IL17RA: variants seen among roughly 807,000 people sequenced by gnomAD.
IL17RA encodes interleukin-17 receptor A.
IL17RA carries 34 observed loss-of-function variants against 50.4 expected under a neutral mutation model. The ratio of observed to expected loss-of-function variants is 0.67; its 90% CI spans 0.51 to 0.90. The LOEUF (loss-of-function observed/expected upper bound fraction) is 0.90, where lower values mean the gene tolerates loss of function less well. Ranked by LOEUF, IL17RA falls within the 40% of genes least tolerant of loss-of-function variation. The probability of loss-of-function intolerance (pLI) is 0.00; values close to 1 mark genes in which losing one functional copy is unlikely to be tolerated. For synonymous variants in IL17RA, 585 were observed against 510.4 expected (o/e 1.15, Z -1.97); for missense variants, 1,276 against 1,169.8 (o/e 1.09, Z -1.32).
In IL17RA at chr22:17,100,462, C is replaced by T; in HGVS notation, c.531C>T (p.Ser177=). The change falls in exon 5 of 13, where the codon TCC becomes TCT. Residue 177 remains serine (S), a synonymous_variant. Coordinates refer to ENST00000319363, the MANE Select transcript of IL17RA (RefSeq NM_014339.7). ...CTGATGGGGACCCAAACCACCAGTC[C>T]AAGAATTTCCTTGTGCCTGGTAAGA... is the stretch of plus-strand genomic sequence containing the variant. The part of the protein sequence containing the change: ...PIPDGDPNHQ[S]KNFLVPDCEH... 1 of 1,614,150 alleles carries T rather than the reference C, an allele frequency of 6.2e-7. No homozygotes were observed.
At position 17,109,099 on chromosome 22, in the gene IL17RA, C is replaced by T. The variant is rs1377750457; in HGVS notation, c.1880C>T (p.Pro627Leu). The change falls in exon 13 of 13, where the codon CCT becomes CTT. Residue 627 changes from proline (P) to leucine (L), a missense_variant. Physicochemically the swap from Pro to Leu is moderately conservative, Grantham distance 98. Transcript: ENST00000319363. ...IVKRAPLVREPGSQACLAIDP... is the reference protein window; with the variant it reads ...IVKRAPLVRELGSQACLAIDP... The stretch of plus-strand genomic sequence containing the variant: ...AAGCGGGCGCCCCTGGTGCGCGAGC[C>T]TGGCTCCCAGGCCTGCCTGGCCATA... 7 of 1,561,880 alleles carry T rather than the reference C, an allele frequency of 4.5e-6. No individual in the cohort carries two copies. The highest frequency in any genetic ancestry group is 6.0e-6 in the Non-Finnish European group (7 of 1,162,048).
At chr22:17,101,107 G>T (rs1464776332) in intron 5 of IL17RA, among the ~76,000 whole-genome samples, 2 of 152,092 alleles carry the variant, frequency 1.3e-5, no homozygotes, top group Non-Finnish European at 2.9e-5. Flanking sequence ...AGGCTATAGT[G>T]CAATTTTGCT....
Position 17,100,404 on chromosome 22 carries a change from A to G in IL17RA, c.473A>G (p.Glu158Gly), listed in dbSNP as rs373988755. The part of the protein sequence containing the change: ...HFVVDPDQEY[E>G]VTVHHLPKPI... ...GTGGTTGACCCTGACCAGGAATATGAGGTGACCGTTCACCACCTGCCCAAG... is the reference window on the plus strand; with the variant it reads ...GTGGTTGACCCTGACCAGGAATATGGGGTGACCGTTCACCACCTGCCCAAG... Residue 158 changes from glutamate to glycine, a missense_variant, in exon 5 of 13, where the codon GAG becomes GGG. Physicochemically the swap from Glu to Gly is moderately conservative, Grantham distance 98. Coordinates refer to ENST00000319363, the MANE Select transcript of IL17RA (RefSeq NM_014339.7). 5.6e-6 allele frequency: 9 copies of G among 1,614,050 alleles called. No homozygotes were observed. The highest frequency in any genetic ancestry group is 7.6e-6 in the Non-Finnish European group (9 of 1,179,976).
intron 1 of IL17RA, among the ~76,000 whole-genome samples, chr22:17,095,832 G>T (rs1434683957): frequency 2.0e-5 from 3 of 152,114 alleles, no homozygotes; most frequent in Non-Finnish European, 4.4e-5. Flanking sequence ...TTATGAACTG[G>T]GGTCCCAGAG....
intron 1 of IL17RA, 135 bp downstream of exon 1, chr22:17,085,364 C>T (rs1340501006): frequency 7.0e-7 from 1 of 1,425,896 alleles, no homozygotes; most frequent in East Asian, 2.8e-5. Context: ...TAGAGGGGCT[C>T]AGAGCCTTGG....
intron 11 of IL17RA, among the ~76,000 whole-genome samples, chr22:17,106,750 A>G (rs1601348167): frequency 6.6e-6 from 1 of 152,202 alleles, no homozygotes; most frequent in Non-Finnish European, 1.5e-5. Flanking sequence ...TGTGGTAGAA[A>G]GAAAACCAGC....
Position 17,098,828 on chromosome 22 carries a change from A to G in IL17RA, c.364A>G (p.Asn122Asp). The G allele has an allele frequency of 6.2e-7, 1 of 1,614,188 alleles. No individual in the cohort carries two copies. The highest frequency in any genetic ancestry group is 8.5e-7 in the Non-Finnish European group (1 of 1,180,030). Residue 122 changes from asparagine (N) to aspartate (D), a missense_variant, in exon 4 of 13, where the codon AAT becomes GAT. By Grantham distance (23) the Asn-to-Asp change is conservative. Transcript: ENST00000319363. ...AELSVLQLNT[N>D]ERLCVRFEFL... is the part of the protein sequence containing the mutation. The stretch of plus-strand genomic sequence containing the variant: ...GTTATCTGTCCTGCAGCTGAACACC[A>G]ATGAACGTTTGTGCGTCAGGTTTGA...
intron 1 of IL17RA, among the ~76,000 whole-genome samples, chr22:17,095,089 A>T (rs1568917747): frequency 6.6e-6 from 1 of 152,180 alleles, no homozygotes; most frequent in Non-Finnish European, 1.5e-5. Flanking sequence ...CTATGGACCA[A>T]TCTCATTTAT....
rs547349565 is a variant in IL17RA at position 17,108,005 on chromosome 22, T to C, written c.1087+237T>C. On this transcript the variant is annotated intron_variant, in intron 12 of 12. Transcript: ENST00000319363. ...GTAAGTATTTTGTGAACAGAGGTCC[T>C]CCCTGGAGCAGACCAACAGAGCTTG... is the stretch of plus-strand genomic sequence containing the variant. Among the ~76,000 whole-genome samples the C allele has an allele frequency of 3.3e-4, 51 of 152,362 alleles. No homozygotes were observed. In the East Asian group the frequency reaches 9.3e-3, roughly 28 times the overall value.
chr22:17,105,871 T>C lies in IL17RA; in HGVS notation c.962T>C (p.Val321Ala), dbSNP rs777960930. 6 of 1,613,938 alleles carry C rather than the reference T, an allele frequency of 3.7e-6. No individual in the cohort carries two copies. Among genetic ancestry groups the C allele is most frequent in the African/African-American group, 1.3e-5 (1 of 75,026 alleles). ...EPIPDYMPLWVYWFITGISIL... is the reference protein window; with the variant it reads ...EPIPDYMPLWAYWFITGISIL... ...ACCGCAGACTACATGCCCCTGTGGGTGTACTGGTTCATCACGGGCATCTCC... is the reference window on the plus strand; with the variant it reads ...ACCGCAGACTACATGCCCCTGTGGGCGTACTGGTTCATCACGGGCATCTCC... The change falls in exon 11 of 13, where the codon GTG becomes GCG. Residue 321 changes from valine to alanine, a missense_variant. By Grantham distance (64) the Val-to-Ala change is moderately conservative. Coordinates refer to ENST00000319363, the MANE Select transcript of IL17RA (RefSeq NM_014339.7).
chr22:17,095,002 G>A (rs1311902053), intron 1 of IL17RA, among the ~76,000 whole-genome samples: 1 of 151,770 alleles, frequency 6.6e-6, no homozygotes, highest in African/African-American at 2.4e-5. Context: ...CAGAAAAAGA[G>A]GGAAAGCTGT....
At position 17,108,673 on chromosome 22, in the gene IL17RA, T is replaced by A; in HGVS notation, c.1454T>A (p.Met485Lys). The A allele has an allele frequency of 6.2e-7, 1 of 1,608,370 alleles. No individual in the cohort carries two copies. Among genetic ancestry groups the A allele is most frequent in the Non-Finnish European group, 8.5e-7 (1 of 1,179,830 alleles). ...VGDLFTAAMN[M>K]ILPDFKRPAC... Reference sequence around the variant, plus strand: ...GACCTGTTCACTGCAGCCATGAACATGATCCTCCCGGACTTCAAGAGGCCA... The same window carrying A: ...GACCTGTTCACTGCAGCCATGAACAAGATCCTCCCGGACTTCAAGAGGCCA... The change falls in exon 13 of 13, where the codon ATG becomes AAG. Residue 485 changes from methionine to lysine, a missense_variant. Met to Lys is a moderately conservative substitution (Grantham distance 95, BLOSUM62 -1). Coordinates refer to ENST00000319363, the MANE Select transcript of IL17RA (RefSeq NM_014339.7).
intron 9 of IL17RA, 116 bp downstream of exon 9, chr22:17,104,926 T>C: frequency 1.1e-6 from 1 of 933,770 alleles, no homozygotes; most frequent in Non-Finnish European, 1.7e-6. Flanking sequence ...GAGTTTAGTT[T>C]AACTTGGAGT....
rs577387326 is a variant in IL17RA, at chr22:17,110,140, A to G, written c.*320A>G. On this transcript the variant is annotated 3_prime_UTR_variant, in exon 13 of 13. Transcript: ENST00000319363. ...TGGCGGGCATTTGGGATACCAAGAT[A>G]AATTGCATGCGGCATGGCCCCAGCC... is the stretch of plus-strand genomic sequence containing the variant. The G allele has an allele frequency of 1.1e-4, 44 of 399,178 alleles. No individual in the cohort carries two copies. Among genetic ancestry groups the G allele is most frequent in the Middle Eastern group, 1.6e-3 (2 of 1,246 alleles). The allele number at this position is 399,178 out of a possible 1,614,324, so 24.7% of individuals were successfully genotyped here.
chr22:17,106,863 G>A (rs575934106), intron 11 of IL17RA, among the ~76,000 whole-genome samples: 21 of 152,296 alleles, frequency 1.4e-4, no homozygotes, highest in Admixed American at 6.5e-4. Flanking sequence ...GCTGGGCGGC[G>A]GCGGCGCTTT....
chr22:17,104,310 G>A (rs1477464208), intron 8 of IL17RA, among the ~76,000 whole-genome samples: 1 of 96,842 alleles, frequency 1.0e-5, no homozygotes. Flanking sequence ...TGCACAGGTG[G>A]AGAGAGTGGT....
chr22:17,105,811 G>A, intron 10 of IL17RA, 42 bp from the exon 11 acceptor site: 1 of 1,540,974 alleles, frequency 6.5e-7, no homozygotes, highest in East Asian at 2.4e-5. Context: ...GGTGGGCAGG[G>A]CAGGCCCCGC....
At chr22:17,086,204 C>T (rs921729255) in intron 1 of IL17RA, among the ~76,000 whole-genome samples, 6 of 152,060 alleles carry the variant, frequency 3.9e-5, no homozygotes, top group Non-Finnish European at 7.4e-5. Flanking sequence ...CCCGCATCCC[C>T]GAGGGGATCT....
Position 17,100,015 on chromosome 22 carries a change from G to A in IL17RA, c.424-340G>A, listed in dbSNP as rs41509549. ...AGATCTCCATAGCCCCAAGTCCCCTGGCTCCGCCCTCTCATACCCATTGTC... is the reference window on the plus strand; with the variant it reads ...AGATCTCCATAGCCCCAAGTCCCCTAGCTCCGCCCTCTCATACCCATTGTC... On this transcript the variant is annotated intron_variant, in intron 4 of 12. Coordinates refer to ENST00000319363, the MANE Select transcript of IL17RA (RefSeq NM_014339.7). Among the ~76,000 whole-genome samples, 1,380 of 152,146 alleles carry A rather than the reference G, an allele frequency of 9.1e-3. 24 individuals carry two copies. Among genetic ancestry groups the A allele is most frequent in the African/African-American group, 0.032 (1,338 of 41,486 alleles).
Sources: gnomAD v4.1 joint callset for allele counts (sites outside exome capture counted in the v4.1 genomes callset) on GRCh38, gnomAD v4.1.1 for gene constraint, MANE v1.5 for transcripts, NCBI Gene and HGNC (gene_info 2026-07-23, HGNC 2026-07-21) for gene names.